EPC2: variants seen among roughly 807,000 people sequenced by gnomAD.
The protein encoded by EPC2 is enhancer of polycomb 2, also known as enhancer of polycomb homolog 2.
A neutral mutation model predicts 92.1 loss-of-function variants in EPC2; 14 were observed. That is an observed-to-expected ratio of 0.15 (90% CI 0.10 to 0.24). The LOEUF (loss-of-function observed/expected upper bound fraction) is 0.24. EPC2 is among the 10% of genes least tolerant of loss of function. EPC2 has a pLI of 1.00. For synonymous variants in EPC2, 340 were observed against 334.7 expected (o/e 1.02, Z -0.17); for missense variants, 755 against 971.5 (o/e 0.78, Z 2.96).
Position 148,783,683 on chromosome 2 carries a change from TC to T in EPC2, c.1946del (p.Pro649GlnfsTer6). ...CATCTGCAGTGGTCAGTGCACCTGTTCCAAGTCGCAGTGAGGTAGCCAAGGA... is the reference window on the plus strand; with the variant it reads ...CATCTGCAGTGGTCAGTGCACCTGTTCAAGTCGCAGTGAGGTAGCCAAGGA... ...AASAVVSAPV[P>X]SRSEVAKEQN... On this transcript the variant is annotated frameshift_variant, in exon 12 of 14. Transcript: ENST00000258484. LOFTEE classifies it high-confidence loss of function. 1 of 1,597,904 alleles carries T rather than the reference TC, an allele frequency of 6.3e-7. No homozygotes were observed. The highest frequency in any genetic ancestry group is 1.3e-5 in the African/African-American group (1 of 74,844).
chr2:148,742,371 T>G (rs1390828465), intron 2 of EPC2, among the ~76,000 whole-genome samples: 3 of 152,200 alleles, frequency 2.0e-5, no homozygotes, highest in Non-Finnish European at 4.4e-5. Flanking sequence ...TTTTAGATCT[T>G]TGCTGAGTGA....
rs1464291779 is a variant in EPC2 at position 148,753,933 on chromosome 2, A to G, written c.466A>G (p.Thr156Ala). Residue 156 changes from threonine (T) to alanine (A), a missense_variant, in exon 4 of 14, where the codon ACA becomes GCA. Thr to Ala is a moderately conservative substitution (Grantham distance 58, BLOSUM62 0). Around this residue, in one of 4 missense-constraint regions of EPC2, gnomAD observed 509 missense variants for 607.7 expected, o/e 0.84. Coordinates refer to ENST00000258484, the MANE Select transcript of EPC2 (RefSeq NM_015630.4). ...LEKASSNQLV[T>A]LQEAKLLLNE... ...TTTTGTATTTTTCATTTAGCTTGTAACACTTCAAGAAGCAAAACTGCTGCT... is the reference window on the plus strand; with the variant it reads ...TTTTGTATTTTTCATTTAGCTTGTAGCACTTCAAGAAGCAAAACTGCTGCT... 18 of 1,608,746 alleles carry G rather than the reference A, an allele frequency of 1.1e-5. No individual in the cohort carries two copies. Among genetic ancestry groups the G allele is most frequent in the Non-Finnish European group, 1.5e-5 (18 of 1,177,426 alleles).
At chr2:148,769,107 A>G (rs557158232) in intron 7 of EPC2, 44 bp from the exon 8 acceptor site, 3 of 1,289,528 alleles carry the variant, frequency 2.3e-6, no homozygotes, top group East Asian at 2.4e-5. Flanking sequence ...ACATTGATCT[A>G]TTGACTTTTG....
chr2:148,782,152 A>G (rs1683762066), intron 11 of EPC2, among the ~76,000 whole-genome samples: 1 of 152,194 alleles, frequency 6.6e-6, no homozygotes, highest in Non-Finnish European at 1.5e-5. Flanking sequence ...GTGCATGTGG[A>G]TGTGCTCCAT....
chr2:148,773,571 ATTC>A (rs1336291425), intron 10 of EPC2, among the ~76,000 whole-genome samples: 1 of 152,100 alleles, frequency 6.6e-6, no homozygotes, highest in Non-Finnish European at 1.5e-5. Context: ...GTTTGAACTC[ATTC>A]TTCTTCACTG....
At chr2:148,681,637 T>G (rs1204505794) in intron 1 of EPC2, among the ~76,000 whole-genome samples, 6 of 152,220 alleles carry the variant, frequency 3.9e-5, no homozygotes, top group Admixed American at 6.5e-5. Context: ...AAAAAAAAAT[T>G]GCTGACTATG....
At chr2:148,759,160 T>G (rs1022907362) in intron 4 of EPC2, among the ~76,000 whole-genome samples, 6 of 152,220 alleles carry the variant, frequency 3.9e-5, no homozygotes, top group Non-Finnish European at 1.5e-5. Context: ...TGGTGCAATA[T>G]CTGCTTACTG....
intron 1 of EPC2, among the ~76,000 whole-genome samples, chr2:148,686,653 A>G (rs1681532466): frequency 6.6e-6 from 1 of 152,236 alleles, no homozygotes; most frequent in African/African-American, 2.4e-5. Flanking sequence ...TAATCCATGG[A>G]CTGCAGAATG....
chr2:148,739,830 C>CTT (rs879739457), intron 2 of EPC2, among the ~76,000 whole-genome samples: 2,068 of 94,134 alleles, frequency 0.022, 54 homozygotes, highest in Admixed American at 0.059. Context: ...TTTTCTTCTT[C>CTT]TTCTTTTTTT....
At chr2:148,678,826 A>C (rs564888409) in intron 1 of EPC2, among the ~76,000 whole-genome samples, 3 of 152,182 alleles carry the variant, frequency 2.0e-5, no homozygotes, top group Non-Finnish European at 4.4e-5. Flanking sequence ...CAGCCCAGAA[A>C]GGGGCTCCCA....
At chr2:148,785,709 G>A (rs1293177903) in intron 13 of EPC2, among the ~76,000 whole-genome samples, 3 of 152,092 alleles carry the variant, frequency 2.0e-5, no homozygotes, top group Admixed American at 6.5e-5. Context: ...ATCCAAATTT[G>A]TGTTTTCTTT....
intron 2 of EPC2, among the ~76,000 whole-genome samples, chr2:148,700,229 A>G (rs550779677): frequency 6.6e-6 from 1 of 152,236 alleles, no homozygotes; most frequent in African/African-American, 2.4e-5. Context: ...ATTTTAATGA[A>G]GTCCAGCTTA....
chr2:148,649,515 C>T (rs547871669), intron 1 of EPC2, among the ~76,000 whole-genome samples: 91 of 152,268 alleles, frequency 6.0e-4, no homozygotes, highest in African/African-American at 2.2e-3. Flanking sequence ...GAGTCTGTTC[C>T]TTTATATTGC....
intron 4 of EPC2, among the ~76,000 whole-genome samples, chr2:148,755,745 C>G (rs2105418050): frequency 6.6e-6 from 1 of 152,286 alleles, no homozygotes; most frequent in East Asian, 1.9e-4. Context: ...ACACATTTCT[C>G]AGATCTTTAT....
At chr2:148,784,105 C>T (rs2105442740) in intron 12 of EPC2, among the ~76,000 whole-genome samples, 1 of 152,302 alleles carries the variant, frequency 6.6e-6, no homozygotes, top group African/African-American at 2.4e-5. Flanking sequence ...TAATCCAGGA[C>T]AGTAATAAAT....
At chr2:148,750,791 CTTG>C (rs1358920560) in intron 3 of EPC2, among the ~76,000 whole-genome samples, 1 of 151,992 alleles carries the variant, frequency 6.6e-6, no homozygotes, top group Non-Finnish European at 1.5e-5. Flanking sequence ...AATGTAAATG[CTTG>C]TTATTTGGAA....
intron 1 of EPC2, among the ~76,000 whole-genome samples, chr2:148,679,833 A>G (rs115075124): frequency 0.014 from 2,147 of 152,118 alleles, 49 homozygotes; most frequent in African/African-American, 0.048. Flanking sequence ...TTTAATAGAG[A>G]ATCATAGTCT....
chr2:148,774,883 T>A (rs1360136428), intron 10 of EPC2, among the ~76,000 whole-genome samples: 1 of 151,064 alleles, frequency 6.6e-6, no homozygotes, highest in African/African-American at 2.4e-5. Flanking sequence ...GTCAGGAGAT[T>A]GAGACCATCC....
At chr2:148,666,297 T>G (rs150519127) in intron 1 of EPC2, among the ~76,000 whole-genome samples, 1 of 152,238 alleles carries the variant, frequency 6.6e-6, no homozygotes, top group East Asian at 1.9e-4. Context: ...TGCTTCACCA[T>G]GCCTGGCTAA....
Sources: gnomAD v4.1 joint callset for allele counts (sites outside exome capture counted in the v4.1 genomes callset) on GRCh38, gnomAD v4.1.1 for gene constraint, gnomAD v4.1.1 regional missense constraint, MANE v1.5 for transcripts, NCBI Gene and HGNC (gene_info 2026-07-23, HGNC 2026-07-21) for gene names.